Variants in ALKBH8 observed in about 807,000 individuals in gnomAD.
ALKBH8 encodes the protein tRNA (carboxymethyluridine(34)-5-O)-methyltransferase ALKBH8.
A neutral mutation model predicts 59.8 loss-of-function variants in ALKBH8; 36 were observed. The observed-to-expected ratio is 0.60, with a 90% CI of 0.46 to 0.79. ALKBH8 has a LOEUF of 0.79. ALKBH8 is among the 30% of genes least tolerant of loss of function. ALKBH8 has a pLI of 0.00. For synonymous variants in ALKBH8, 276 were observed against 273.6 expected, an observed-to-expected ratio of 1.01 and a Z score of -0.09; for missense variants, 768 against 801.0, an observed-to-expected ratio of 0.96 and a Z score of 0.50.
intron 11 of ALKBH8, among the ~76,000 whole-genome samples, chr11:107,506,567 T>C (rs1472371858): frequency 6.6e-6 from 1 of 152,128 alleles, no homozygotes; most frequent in African/African-American, 2.4e-5. Context: ...ATTTAAATTT[T>C]TAGCAAATTA....
Position 107,522,231 on chromosome 11 carries a change from T to C in ALKBH8, c.1287+68A>G, listed in dbSNP as rs1006857399. On this transcript the variant is annotated intron_variant, in intron 10 of 11. Transcript: ENST00000428149. ...GATCTAAAAAAACAGGATTATATCA[T>C]GAGGAAGAAAGATGATGATAACCAC... 1.3e-5 allele frequency: 19 copies of C among 1,500,286 alleles called. No individual in the cohort carries two copies. In the African/African-American group the frequency reaches 2.0e-4, roughly 16 times the overall value. 92.9% of individuals were successfully genotyped at this position (1,500,286 alleles called of 1,614,324 possible). A position where few individuals can be genotyped will look rare whatever the true frequency, so the allele number is the denominator to read the frequency against.
chr11:107,516,177 A>G (rs1000231807), intron 10 of ALKBH8, among the ~76,000 whole-genome samples: 1 of 152,230 alleles, frequency 6.6e-6, no homozygotes, highest in African/African-American at 2.4e-5. Context: ...CAAAGTTGAA[A>G]GTCGTTAAAT....
In ALKBH8 at chr11:107,505,058, T is replaced by G. The variant is rs756590462; in HGVS notation, c.1595A>C (p.Asn532Thr). The G allele has an allele frequency of 6.4e-6, 10 of 1,551,654 alleles. No homozygotes were observed. In the South Asian group the frequency reaches 1.2e-4, roughly 18 times the overall value. The change falls in exon 12 of 12, where the codon AAC becomes ACC. Residue 532 changes from asparagine (N) to threonine (T), a missense_variant. Physicochemically the swap from Asn to Thr is moderately conservative, Grantham distance 65. Coordinates refer to ENST00000428149, the MANE Select transcript of ALKBH8 (RefSeq NM_138775.3). Reference protein sequence around the residue: ...RNSQGKKEEMNSDTSVQRSLV... With the variant: ...RNSQGKKEEMTSDTSVQRSLV... ...TGACCTCTGCACTGAGGTATCACTG[T>G]TCATCTCCTCTTTCTTTCCTTGGCT...
chr11:107,518,737 G>A (rs2135491303), intron 10 of ALKBH8, among the ~76,000 whole-genome samples: 1 of 152,272 alleles, frequency 6.6e-6, no homozygotes, highest in South Asian at 2.1e-4. Flanking sequence ...TTCCTATAAG[G>A]GACACTTTTA....
chr11:107,559,303 T>C (rs1324081434), intron 2 of ALKBH8, among the ~76,000 whole-genome samples: 1 of 152,188 alleles, frequency 6.6e-6, no homozygotes, highest in African/African-American at 2.4e-5. Context: ...AAAACAATAT[T>C]TGCTCTCCCC....
At chr11:107,533,359 C>A (rs1457754567) in intron 7 of ALKBH8, among the ~76,000 whole-genome samples, 1 of 152,000 alleles carries the variant, frequency 6.6e-6, no homozygotes, top group Non-Finnish European at 1.5e-5. Context: ...GTACCTAGTA[C>A]AAAGTAAGCA....
At chr11:107,555,957 G>C (rs796806982) in intron 3 of ALKBH8, among the ~76,000 whole-genome samples, 3 of 152,312 alleles carry the variant, frequency 2.0e-5, no homozygotes, top group African/African-American at 7.2e-5. Context: ...ACCATCACAG[G>C]AAGTTCTACT....
In ALKBH8 at chr11:107,556,794, G is replaced by C; in HGVS notation, c.339C>G (p.Ile113Met). ...KEVVDDLGQK[I>M]TLYLNFVEKV... Reference sequence around the variant, plus strand: ...TTTCCACAAAATTCAAATACAGAGTGATCTTTTGTCCTAAATCATCCACTA... The same window carrying C: ...TTTCCACAAAATTCAAATACAGAGTCATCTTTTGTCCTAAATCATCCACTA... Residue 113 changes from isoleucine to methionine, a missense_variant, in exon 3 of 12, where the codon ATC becomes ATG. Coordinates refer to ENST00000428149, the MANE Select transcript of ALKBH8 (RefSeq NM_138775.3). 2 of 1,415,340 alleles carry C rather than the reference G, an allele frequency of 1.4e-6. No homozygotes were observed. The highest frequency in any genetic ancestry group is 1.5e-5 in the African/African-American group (1 of 67,804). The allele number at this position is 1,415,340 out of a possible 1,614,324, so 87.7% of individuals were successfully genotyped here.
chr11:107,519,522 G>A (rs1019299573), intron 10 of ALKBH8, among the ~76,000 whole-genome samples: 2 of 152,186 alleles, frequency 1.3e-5, no homozygotes, highest in African/African-American at 4.8e-5. Context: ...AACAGAGGCA[G>A]TAAAGTACAT....
intron 7 of ALKBH8, among the ~76,000 whole-genome samples, chr11:107,534,920 C>T (rs896389055): frequency 3.3e-5 from 5 of 152,074 alleles, no homozygotes; most frequent in African/African-American, 1.2e-4. Flanking sequence ...CAACTTTTCC[C>T]CAAAGTCCCC....
chr11:107,561,581 A>T (rs913713736), intron 1 of ALKBH8, among the ~76,000 whole-genome samples: 1 of 152,334 alleles, frequency 6.6e-6, no homozygotes, highest in Admixed American at 6.5e-5. Context: ...ACAATTTTTT[A>T]AATAACAGAA....
Position 107,546,576 on chromosome 11 carries a change from G to T in ALKBH8, c.771+3177C>A, listed in dbSNP as rs193089844. Among the ~76,000 whole-genome samples, 5 of 152,230 alleles carry T rather than the reference G, an allele frequency of 3.3e-5. No homozygotes were observed. In the East Asian group the frequency reaches 9.7e-4, roughly 29 times the overall value. On this transcript the variant is annotated intron_variant, in intron 7 of 11. Transcript: ENST00000428149. ...TGGTTGGTTCCTTGATGAAATTACC[G>T]ACCTGAGCCAACAAGTTAAAACTTT...
In ALKBH8 at chr11:107,504,960, C is replaced by A; in HGVS notation, c.1693G>T (p.Glu565Ter). The change falls in exon 12 of 12, where the codon GAA becomes TAA. Residue 565 changes from glutamate (E) to a stop codon, truncating the protein, a stop_gained. Transcript: ENST00000428149. LOFTEE classifies it low-confidence loss of function (END_TRUNC). ...ACTTGCCTTGAATTACATCCTCCTT[C>A]CTGAGAGTCATTAATGCGGGGGACA... ...SSVPRINDSQ[E>*]GGCNSRQVSN... is the part of the protein sequence containing the mutation. 6.4e-7 allele frequency: 1 copy of A among 1,551,848 alleles called. No homozygotes were observed. The highest frequency in any genetic ancestry group is 8.7e-7 in the Non-Finnish European group (1 of 1,146,946).
intron 2 of ALKBH8, among the ~76,000 whole-genome samples, 155 bp downstream of exon 2, chr11:107,560,610 T>C (rs1165134009): frequency 1.3e-5 from 2 of 152,108 alleles, no homozygotes; most frequent in Admixed American, 6.5e-5. Flanking sequence ...TGGACCAAAA[T>C]AGAAAGTTAG....
At chr11:107,518,379 T>C (rs1862959890) in intron 10 of ALKBH8, among the ~76,000 whole-genome samples, 1 of 152,218 alleles carries the variant, frequency 6.6e-6, no homozygotes, top group Non-Finnish European at 1.5e-5. Context: ...ACTGCAGCCC[T>C]GAACTCCTGG....
intron 3 of ALKBH8, among the ~76,000 whole-genome samples, chr11:107,555,035 G>A (rs768770139): frequency 3.3e-5 from 5 of 152,210 alleles, no homozygotes; most frequent in Admixed American, 2.0e-4. Context: ...CGAGGTGGGC[G>A]GATCACGAGG....
intron 7 of ALKBH8, 43 bp downstream of exon 7, chr11:107,549,710 A>ATG: frequency 7.5e-7 from 1 of 1,341,598 alleles, no homozygotes; most frequent in South Asian, 1.3e-5. Context: ...GGCATTGTAC[A>ATG]AGGTAAGATA....
chr11:107,535,473 A>G (rs1863776061), intron 7 of ALKBH8, among the ~76,000 whole-genome samples: 1 of 151,992 alleles, frequency 6.6e-6, no homozygotes, highest in Non-Finnish European at 1.5e-5. Context: ...GTGGCATTGC[A>G]TTGTGGTTTT....
chr11:107,544,815 CCACACACACACACACACACA>C (rs5794557), intron 7 of ALKBH8, among the ~76,000 whole-genome samples: 10 of 138,558 alleles, frequency 7.2e-5, no homozygotes, highest in Middle Eastern at 3.5e-3. Context: ...TAGATACAAA[CCACACACACACACACACACA>C]CACACACACA....
Sources: gnomAD v4.1 joint callset for allele counts (sites outside exome capture counted in the v4.1 genomes callset) on GRCh38, gnomAD v4.1.1 for gene constraint, MANE v1.5 for transcripts, NCBI Gene and HGNC (gene_info 2026-07-23, HGNC 2026-07-21) for gene names.